Variants in SBF2 observed in about 807,000 individuals in gnomAD.
SBF2 encodes the protein SET binding factor 2.
In SBF2, 112 loss-of-function variants were observed where a neutral mutation model predicts 225.2. That is an observed-to-expected ratio of 0.50 (90% CI 0.43 to 0.58). The LOEUF (loss-of-function observed/expected upper bound fraction) is 0.58. SBF2 is among the 20% of genes least tolerant of loss of function. SBF2 has a pLI of 0.00. For synonymous variants in SBF2, 763 were observed against 773.3 expected (o/e 0.99, Z 0.22); for missense variants, 1,996 against 2,206.2 (o/e 0.90, Z 1.91).
intron 2 of SBF2, among the ~76,000 whole-genome samples, chr11:10,132,847 C>A (rs1275576861): frequency 1.3e-5 from 2 of 148,850 alleles, no homozygotes; most frequent in South Asian, 2.1e-4. Flanking sequence ...GGTGCGTTTA[C>A]AATCCCTGAG....
intron 28 of SBF2, among the ~76,000 whole-genome samples, chr11:9,817,769 T>TAAAAAAAG (rs1854535627): frequency 2.5e-5 from 1 of 40,336 alleles, no homozygotes; most frequent in Non-Finnish European, 5.1e-5. Flanking sequence ...AAAAAAAAAC[T>TAAAAAAAG]ACAAAAAGAC....
At chr11:10,162,960 C>T (rs1955815123) in intron 2 of SBF2, among the ~76,000 whole-genome samples, 1 of 151,862 alleles carries the variant, frequency 6.6e-6, no homozygotes, top group Admixed American at 6.6e-5. Context: ...CTAGTTTTAG[C>T]TCCTCTAAGC....
chr11:10,088,968 C>T (rs1951679547), intron 2 of SBF2, among the ~76,000 whole-genome samples: 1 of 152,026 alleles, frequency 6.6e-6, no homozygotes, highest in Admixed American at 6.5e-5. Flanking sequence ...TATCATCGGC[C>T]CCAAGATCAT....
chr11:10,232,182 C>T (rs1007801788), intron 1 of SBF2, among the ~76,000 whole-genome samples: 3 of 152,154 alleles, frequency 2.0e-5, no homozygotes, highest in African/African-American at 4.8e-5. Flanking sequence ...GTGGGAGTGA[C>T]CCGATTTTCC....
Position 10,170,544 on chromosome 11 carries a change from T to G in SBF2, c.141+23358A>C, listed in dbSNP as rs146743825. On this transcript the variant is annotated intron_variant, in intron 2 of 39. Transcript: ENST00000256190. Reference sequence around the variant, plus strand: ...GGTTACTATAGCTCTGTAGTTTAATTTGAAGTCAGATAATGTAATTCTTCC... The same window carrying G: ...GGTTACTATAGCTCTGTAGTTTAATGTGAAGTCAGATAATGTAATTCTTCC... Among the ~76,000 whole-genome samples the G allele has an allele frequency of 1.9e-4, 29 of 152,278 alleles. 1 individual carries two copies. The highest frequency in any genetic ancestry group is 6.5e-4 in the African/African-American group (27 of 41,566).
chr11:9,950,289 G>A (rs1016211988), intron 16 of SBF2, among the ~76,000 whole-genome samples: 1 of 152,140 alleles, frequency 6.6e-6, no homozygotes, highest in Non-Finnish European at 1.5e-5. Context: ...ATGGCACACT[G>A]TATGAGATGA....
intron 3 of SBF2, among the ~76,000 whole-genome samples, chr11:10,041,261 G>A (rs908915254): frequency 6.6e-6 from 1 of 152,064 alleles, no homozygotes; most frequent in African/African-American, 2.4e-5. Flanking sequence ...AGATTGAACT[G>A]ATAAAAATGA....
chr11:10,100,175 C>G (rs1034002916), intron 2 of SBF2, among the ~76,000 whole-genome samples: 3 of 152,188 alleles, frequency 2.0e-5, no homozygotes, highest in African/African-American at 7.2e-5. Flanking sequence ...AAATGGAAAC[C>G]AAGGAGACAG....
intron 1 of SBF2, among the ~76,000 whole-genome samples, chr11:10,228,617 T>G (rs968973907): frequency 3.3e-5 from 5 of 152,332 alleles, no homozygotes; most frequent in Admixed American, 6.5e-5. Context: ...TATGCTGGAT[T>G]ACATTTATTG....
At chr11:9,822,865 T>C (rs1471539768) in intron 28 of SBF2, among the ~76,000 whole-genome samples, 1 of 152,188 alleles carries the variant, frequency 6.6e-6, no homozygotes, top group Non-Finnish European at 1.5e-5. Context: ...TCTGCACTGA[T>C]ACGATGCAAC....
At chr11:9,911,371 G>A (rs534321259) in intron 16 of SBF2, among the ~76,000 whole-genome samples, 5 of 142,848 alleles carry the variant, frequency 3.5e-5, no homozygotes, top group East Asian at 2.0e-4. Flanking sequence ...GTGACAGAGC[G>A]AGACTCTGTC....
At position 9,937,308 on chromosome 11, in the gene SBF2, A is replaced by C. The variant is rs566305894; in HGVS notation, c.1860+24649T>G. 2.0e-5 allele frequency among the ~76,000 whole-genome samples: 3 copies of C among 152,340 alleles called. No individual in the cohort carries two copies. In the East Asian group the frequency reaches 5.8e-4, roughly 29 times the overall value. On this transcript the variant is annotated intron_variant, in intron 16 of 39. Coordinates refer to ENST00000256190, the MANE Select transcript of SBF2 (RefSeq NM_030962.4). ...GAAAAGATAAAGTTTTGTGGGAAGC[A>C]TAAAGGAATGCAATCATGGATCAAT...
chr11:10,213,688 T>C (rs1334186301), intron 1 of SBF2, among the ~76,000 whole-genome samples: 1 of 152,094 alleles, frequency 6.6e-6, no homozygotes, highest in Non-Finnish European at 1.5e-5. Context: ...AAAACAGCTA[T>C]CACTCAACAA....
rs564831595 is a variant in SBF2, at chr11:9,958,820, C to T, written c.1860+3137G>A. 3 of 570,648 alleles carry T rather than the reference C, an allele frequency of 5.3e-6. No individual in the cohort carries two copies. In the African/African-American group the frequency reaches 5.6e-5, roughly 11 times the overall value. 35.3% of individuals were successfully genotyped at this position (570,648 alleles called of 1,614,324 possible). A position where few individuals can be genotyped will look rare whatever the true frequency, so the allele number is the denominator to read the frequency against. The stretch of plus-strand genomic sequence containing the variant: ...GGCTTCTGTCACCGAAAATGGGTCA[C>T]AGTCGGCAGAGAGGCAATGATCTTC... On this transcript the variant is annotated intron_variant, in intron 16 of 39. Transcript: ENST00000256190.
chr11:9,825,431 A>C (rs1855007651), intron 28 of SBF2, among the ~76,000 whole-genome samples: 1 of 152,174 alleles, frequency 6.6e-6, no homozygotes, highest in Non-Finnish European at 1.5e-5. Context: ...TAGTTGTTTA[A>C]GCCACCCAAT....
At chr11:9,999,283 ATGTAT>A (rs1947842606) in intron 8 of SBF2, among the ~76,000 whole-genome samples, 1 of 35,010 alleles carries the variant, frequency 2.9e-5, no homozygotes, top group Non-Finnish European at 5.8e-5. Flanking sequence ...CAGTGACTGT[ATGTAT>A]GTATGTATGT....
At chr11:10,286,294 A>G (rs1414699511) in intron 1 of SBF2, among the ~76,000 whole-genome samples, 8 of 151,766 alleles carry the variant, frequency 5.3e-5, no homozygotes, top group African/African-American at 1.7e-4. Context: ...ATAAATATAT[A>G]TGATTTTTAT....
At chr11:10,081,651 T>C (rs1450933754) in intron 2 of SBF2, among the ~76,000 whole-genome samples, 2 of 150,798 alleles carry the variant, frequency 1.3e-5, no homozygotes, top group Non-Finnish European at 2.9e-5. Context: ...TCCTAGCTAC[T>C]CGGGAGGCTG....
Position 9,780,286 on chromosome 11 carries a change from G to A in SBF2, c.*132C>T. On this transcript the variant is annotated 3_prime_UTR_variant, in exon 40 of 40. Transcript: ENST00000256190. ...TAAGTAGATATAGCAACCCCTGCAA[G>A]AGGGGACTGGGCAGGAGAACCTCAG... 3.9e-6 allele frequency: 3 copies of A among 773,650 alleles called. No individual in the cohort carries two copies. The highest frequency in any genetic ancestry group is 6.6e-6 in the Non-Finnish European group (3 of 451,198). 47.9% of individuals were successfully genotyped at this position (773,650 alleles called of 1,614,324 possible). A position where few individuals can be genotyped will look rare whatever the true frequency, so the allele number is the denominator to read the frequency against.
Sources: gnomAD v4.1 joint callset for allele counts (sites outside exome capture counted in the v4.1 genomes callset) on GRCh38, gnomAD v4.1.1 for gene constraint, MANE v1.5 for transcripts, NCBI Gene and HGNC (gene_info 2026-07-23, HGNC 2026-07-21) for gene names.